The following THSD4 variants were observed in gnomAD, a reference collection of about 807,000 sequenced individuals.
The protein encoded by THSD4 is thrombospondin type-1 domain-containing protein 4.
Under a neutral mutation model 119.0 loss-of-function variants are expected in THSD4, and 69 were observed. The ratio of observed to expected loss-of-function variants is 0.58; its 90% CI spans 0.48 to 0.71. THSD4 has a LOEUF of 0.71. THSD4 is among the 30% of genes least tolerant of loss of function. The pLI, the probability that THSD4 is intolerant of heterozygous loss-of-function variation, is 0.00. For synonymous variants in THSD4, 524 were observed against 540.4 expected (o/e 0.97, Z 0.42); for missense variants, 1,393 against 1,391.1 (o/e 1.00, Z -0.02).
intron 7 of THSD4, among the ~76,000 whole-genome samples, chr15:71,540,230 T>C (rs370474242): frequency 1.3e-4 from 20 of 149,552 alleles, no homozygotes; most frequent in African/African-American, 3.2e-4. Flanking sequence ...CTCTGCCTCC[T>C]GGGTTCAAGC....
intron 7 of THSD4, among the ~76,000 whole-genome samples, chr15:71,599,462 A>G (rs1322794448): frequency 6.6e-6 from 1 of 151,834 alleles, no homozygotes; most frequent in Middle Eastern, 3.2e-3. Flanking sequence ...CTTTCTCTTC[A>G]CTCCTAGATT....
rs11408465 is a variant in THSD4, at chr15:71,490,559, C to CAAAAAA, written c.1152+78752_1152+78757dup. 9.8e-3 allele frequency among the ~76,000 whole-genome samples: 887 copies of CAAAAAA among 90,860 alleles called. 11 individuals carry two copies. Among genetic ancestry groups the CAAAAAA allele is most frequent in the Middle Eastern group, 0.014 (2 of 144 alleles). The allele number at this position is 90,860 out of a possible 152,430, so 59.6% of individuals were successfully genotyped here. ...TGGGTGACAGAGCAAGACTCCGTCT[C>CAAAAAA]AAAAAAAAAAAAAAAAAAAAACATT... On this transcript the variant is annotated intron_variant, in intron 7 of 17. Transcript: ENST00000261862.
intron 7 of THSD4, among the ~76,000 whole-genome samples, chr15:71,530,488 G>A (rs2048591281): frequency 6.6e-6 from 1 of 152,108 alleles, no homozygotes; most frequent in Non-Finnish European, 1.5e-5. Flanking sequence ...GTTTTTGGGT[G>A]TGAGTTTTTA....
At chr15:71,656,968 G>A (rs1390088738) in intron 7 of THSD4, among the ~76,000 whole-genome samples, 1 of 152,168 alleles carries the variant, frequency 6.6e-6, no homozygotes, top group Non-Finnish European at 1.5e-5. Flanking sequence ...TGCATCCTAA[G>A]CATCTCTCAA....
chr15:71,366,159 T>C (rs1337154803), intron 6 of THSD4, among the ~76,000 whole-genome samples: 1 of 152,100 alleles, frequency 6.6e-6, no homozygotes, highest in Non-Finnish European at 1.5e-5. Flanking sequence ...CTGCAAGCTC[T>C]GCCTCCCAGG....
intron 7 of THSD4, among the ~76,000 whole-genome samples, chr15:71,603,478 A>G (rs116774919): frequency 0.03 from 4,497 of 152,274 alleles, 197 homozygotes; most frequent in African/African-American, 0.1. Flanking sequence ...TCCTGCATCT[A>G]TCAGAACCAA....
chr15:71,223,669 G>A (rs1280498364), intron 4 of THSD4, among the ~76,000 whole-genome samples: 1 of 152,164 alleles, frequency 6.6e-6, no homozygotes, highest in African/African-American at 2.4e-5. Flanking sequence ...AGGTGAAAGA[G>A]GCGTGGTTTT....
At chr15:71,606,959 A>G (rs1270362896) in intron 7 of THSD4, among the ~76,000 whole-genome samples, 2 of 152,230 alleles carry the variant, frequency 1.3e-5, no homozygotes, top group Non-Finnish European at 2.9e-5. Flanking sequence ...CATGAGTGGA[A>G]TACTCTGAAG....
chr15:71,591,005 C>CAAAAAAAA lies in THSD4; in HGVS notation c.1153-69500_1153-69493dup, dbSNP rs67271025. 9.4e-3 allele frequency among the ~76,000 whole-genome samples: 541 copies of CAAAAAAAA among 57,502 alleles called. 11 individuals are homozygous for CAAAAAAAA. The highest frequency in any genetic ancestry group is 0.013 in the Non-Finnish European group (412 of 32,950). 37.7% of individuals were successfully genotyped at this position (57,502 alleles called of 152,430 possible). On this transcript the variant is annotated intron_variant, in intron 7 of 17. Coordinates refer to ENST00000261862, the MANE Select transcript of THSD4 (RefSeq NM_024817.3). ...TGGGCGACAGAGCAAGACTCCATCT[C>CAAAAAAAA]AAAAAAAAAAAAAAAAAAAAAAAAA...
At chr15:71,237,260 G>A (rs2140269778) in intron 4 of THSD4, among the ~76,000 whole-genome samples, 1 of 152,306 alleles carries the variant, frequency 6.6e-6, no homozygotes, top group African/African-American at 2.4e-5. Context: ...CAGACCAAGA[G>A]CATCATCATC....
chr15:71,464,688 G>A (rs1039496147), intron 7 of THSD4, among the ~76,000 whole-genome samples: 1 of 152,116 alleles, frequency 6.6e-6, no homozygotes, highest in Non-Finnish European at 1.5e-5. Flanking sequence ...CCCTTCTAAA[G>A]TTTAAGTACA....
intron 7 of THSD4, among the ~76,000 whole-genome samples, chr15:71,610,548 T>G (rs927971633): frequency 3.3e-5 from 5 of 152,196 alleles, no homozygotes; most frequent in Non-Finnish European, 7.3e-5. Flanking sequence ...AGCATGGAGA[T>G]GACAACAGGG....
At chr15:71,665,627 T>C (rs111395738) in intron 8 of THSD4, among the ~76,000 whole-genome samples, 17 of 152,314 alleles carry the variant, frequency 1.1e-4, no homozygotes, top group Non-Finnish European at 2.4e-4. Context: ...TTTATAGTTT[T>C]GGGTTTTACA....
intron 7 of THSD4, among the ~76,000 whole-genome samples, chr15:71,563,712 T>G (rs1380539102): frequency 6.6e-6 from 1 of 152,246 alleles, no homozygotes; most frequent in Admixed American, 6.5e-5. Context: ...AATTTGTATG[T>G]TAATGACCTT....
At chr15:71,629,358 A>G (rs2050574553) in intron 7 of THSD4, among the ~76,000 whole-genome samples, 1 of 152,048 alleles carries the variant, frequency 6.6e-6, no homozygotes, top group Non-Finnish European at 1.5e-5. Context: ...AGTAGAGGAG[A>G]CCCAAACCCT....
intron 7 of THSD4, among the ~76,000 whole-genome samples, chr15:71,524,690 G>C (rs1325310930): frequency 7.0e-6 from 1 of 142,734 alleles, no homozygotes; most frequent in Non-Finnish European, 1.5e-5. Flanking sequence ...TCCGCCTCCT[G>C]GGTTCATGCC....
intron 6 of THSD4, among the ~76,000 whole-genome samples, chr15:71,292,711 C>G (rs1265547157): frequency 3.6e-5 from 5 of 139,846 alleles, no homozygotes; most frequent in South Asian, 4.5e-4. Context: ...GAGTCTTGCT[C>G]TGTCGCCCAG....
chr15:71,654,640 C>A (rs989579045), intron 7 of THSD4, among the ~76,000 whole-genome samples: 1 of 152,160 alleles, frequency 6.6e-6, no homozygotes, highest in Admixed American at 6.5e-5. Context: ...CAAAGGATTT[C>A]TTTCAACAGA....
At chr15:71,505,284 C>T (rs1397820228) in intron 7 of THSD4, among the ~76,000 whole-genome samples, 1 of 152,208 alleles carries the variant, frequency 6.6e-6, no homozygotes, top group Admixed American at 6.5e-5. Context: ...ATACCTTTTC[C>T]CACAATTATT....
Sources: allele counts gnomAD v4.1 joint callset (sites outside exome capture counted in the v4.1 genomes callset), GRCh38; gene constraint gnomAD v4.1.1; transcripts MANE v1.5; gene names NCBI Gene and HGNC (gene_info 2026-07-23, HGNC 2026-07-21).